CHN2: variants seen among roughly 807,000 people sequenced by gnomAD.
The protein encoded by CHN2 is chimerin 2.
Under a neutral mutation model 56.3 loss-of-function variants are expected in CHN2, and 35 were observed. The ratio of observed to expected loss-of-function variants is 0.62; its 90% CI spans 0.47 to 0.82. CHN2 has a LOEUF of 0.82. Ranked by LOEUF, CHN2 falls within the 40% of genes least tolerant of loss-of-function variation. The pLI, the probability that CHN2 is intolerant of heterozygous loss-of-function variation, is 0.00. For missense variants in CHN2, 491 were observed against 580.5 expected (o/e 0.85, Z 1.58); for synonymous variants, 210 against 212.8 (o/e 0.99, Z 0.12).
chr7:29,338,792 C>T (rs1796819174), intron 1 of CHN2, among the ~76,000 whole-genome samples: 1 of 152,152 alleles, frequency 6.6e-6, no homozygotes, highest in Non-Finnish European at 1.5e-5. Context: ...GTTGGCCAGG[C>T]TGGTCTTGAA....
At chr7:29,217,422 G>A (rs1785429217) in intron 1 of CHN2, among the ~76,000 whole-genome samples, 1 of 152,194 alleles carries the variant, frequency 6.6e-6, no homozygotes, top group Admixed American at 6.5e-5. Flanking sequence ...AAAAGAGACT[G>A]TAAAATCATG....
At chr7:29,497,022 G>A (rs1031236187) in intron 8 of CHN2, among the ~76,000 whole-genome samples, 3 of 152,126 alleles carry the variant, frequency 2.0e-5, no homozygotes, top group East Asian at 1.9e-4. Flanking sequence ...ACAGCATCCC[G>A]TAAACCCTAA....
At chr7:29,181,493 CTG>C (rs996794266) in intron 2 of CHN2, 1 of 152,112 alleles carries the variant, frequency 6.6e-6, no homozygotes, top group African/African-American at 2.4e-5. Context: ...AAGCCAAAAA[CTG>C]TGAAACAACC....
At chr7:29,166,898 C>T (rs1795994526) in intron 2 of CHN2, among the ~76,000 whole-genome samples, 2 of 152,122 alleles carry the variant, frequency 1.3e-5, no homozygotes, top group South Asian at 4.1e-4. Context: ...CTTTTAATGT[C>T]CTTGACTACT....
chr7:29,405,299 A>G (rs146696799), intron 6 of CHN2, among the ~76,000 whole-genome samples: 5 of 151,478 alleles, frequency 3.3e-5, no homozygotes, highest in Non-Finnish European at 7.4e-5. Context: ...TCATTTCTCC[A>G]TGGGGTCTTT....
intron 2 of CHN2, among the ~76,000 whole-genome samples, chr7:29,176,203 TAAAAG>T (rs1254839687): frequency 6.8e-6 from 1 of 147,254 alleles, no homozygotes; most frequent in Non-Finnish European, 1.5e-5. Context: ...AAAAAACAGA[TAAAAG>T]AAAAAAAAGA....
chr7:29,325,531 A>AGC (rs1795733782), intron 1 of CHN2, among the ~76,000 whole-genome samples: 1 of 152,180 alleles, frequency 6.6e-6, no homozygotes. Flanking sequence ...CCTGGTTCTG[A>AGC]GCCTCACAAA....
Position 29,433,886 on chromosome 7 carries a change from G to A in CHN2, c.576+33058G>A, listed in dbSNP as rs145602389. Among the ~76,000 whole-genome samples, 275 of 151,618 alleles carry A rather than the reference G, an allele frequency of 1.8e-3. 1 individual carries two copies. Among genetic ancestry groups the A allele is most frequent in the African/African-American group, 6.4e-3 (265 of 41,332 alleles). On this transcript the variant is annotated intron_variant, in intron 6 of 12. Transcript: ENST00000222792. ...GGGAGAGGGGGAGGAAGGGAGGAAG[G>A]GAGGAAGGGATGAAGGGAAGAAAGG...
At chr7:29,183,578 T>C (rs1476364924) in intron 2 of CHN2, among the ~76,000 whole-genome samples, 1 of 151,960 alleles carries the variant, frequency 6.6e-6, no homozygotes, top group East Asian at 1.9e-4. Context: ...GGTTTCACCA[T>C]GTTGGCCAGG....
intron 7 of CHN2, 126 bp from the exon 8 acceptor site, chr7:29,495,826 A>C: frequency 1.4e-6 from 1 of 713,618 alleles, no homozygotes; most frequent in Non-Finnish European, 2.4e-6. Flanking sequence ...TCTGTTTGCA[A>C]CTGCTTTACT....
intron 7 of CHN2, among the ~76,000 whole-genome samples, chr7:29,493,511 A>G (rs1788888220): frequency 6.6e-6 from 1 of 152,100 alleles, no homozygotes; most frequent in Non-Finnish European, 1.5e-5. Context: ...GCTTGACACT[A>G]ACACTTGGAT....
At chr7:29,326,942 A>G (rs1306120438) in intron 1 of CHN2, among the ~76,000 whole-genome samples, 2 of 152,218 alleles carry the variant, frequency 1.3e-5, no homozygotes, top group East Asian at 3.9e-4. Flanking sequence ...TATAGGATAG[A>G]TGTTATTCTA....
chr7:29,350,189 C>T (rs1302646353), intron 1 of CHN2, among the ~76,000 whole-genome samples: 3 of 152,182 alleles, frequency 2.0e-5, no homozygotes, highest in Non-Finnish European at 4.4e-5. Flanking sequence ...ACCTCTGCCT[C>T]TAACTTGTTT....
At chr7:29,213,534 A>T (rs13221239) in intron 1 of CHN2, among the ~76,000 whole-genome samples, 20,137 of 152,206 alleles carry the variant, frequency 0.13, 1,705 homozygotes, top group Non-Finnish European at 0.19. Context: ...CAGGGTTTAG[A>T]ATCTAACCTC....
chr7:29,296,557 A>T (rs765588733), intron 1 of CHN2, among the ~76,000 whole-genome samples: 4 of 152,228 alleles, frequency 2.6e-5, no homozygotes, highest in Non-Finnish European at 4.4e-5. Flanking sequence ...GAGGAAGGGT[A>T]CCTTCAAGAG....
intron 7 of CHN2, among the ~76,000 whole-genome samples, chr7:29,490,740 C>A (rs903889909): frequency 3.9e-5 from 6 of 152,128 alleles, no homozygotes; most frequent in African/African-American, 1.4e-4. Context: ...ATGTACTGTA[C>A]CAAACATACT....
At chr7:29,290,828 A>G (rs1303149591) in intron 1 of CHN2, among the ~76,000 whole-genome samples, 1 of 152,180 alleles carries the variant, frequency 6.6e-6, no homozygotes, top group Non-Finnish European at 1.5e-5. Context: ...GTGAGAGACC[A>G]ATGCAAGTTT....
chr7:29,443,581 A>G (rs1007857175), intron 6 of CHN2, among the ~76,000 whole-genome samples: 2 of 152,216 alleles, frequency 1.3e-5, no homozygotes, highest in Non-Finnish European at 2.9e-5. Flanking sequence ...TGTGTTTACA[A>G]ACAACCTCAA....
intron 6 of CHN2, among the ~76,000 whole-genome samples, chr7:29,403,401 A>G (rs1802383478): frequency 6.6e-6 from 1 of 152,148 alleles, no homozygotes; most frequent in South Asian, 2.1e-4. Flanking sequence ...AGGTTTCCTA[A>G]TATTTCTCAA....
Sources: gnomAD v4.1 joint callset for allele counts (sites outside exome capture counted in the v4.1 genomes callset) on GRCh38, gnomAD v4.1.1 for gene constraint, MANE v1.5 for transcripts, NCBI Gene and HGNC (gene_info 2026-07-23, HGNC 2026-07-21) for gene names.